The following CFAP20DC variants were observed in gnomAD, a reference collection of about 807,000 sequenced individuals.
CFAP20DC encodes CFAP20 domain containing.
Under a neutral mutation model 101.7 loss-of-function variants are expected in CFAP20DC, and 84 were observed. The observed-to-expected ratio is 0.83, with a 90% CI of 0.69 to 0.99. The LOEUF (loss-of-function observed/expected upper bound fraction) is 0.99, where lower values mean the gene tolerates loss of function less well. CFAP20DC is among the 50% of genes least tolerant of loss of function. The pLI, the probability that CFAP20DC is intolerant of heterozygous loss-of-function variation, is 0.00. For synonymous variants in CFAP20DC, 359 were observed against 351.2 expected, an observed-to-expected ratio of 1.02 and a Z score of -0.25; for missense variants, 1,007 against 970.3, an observed-to-expected ratio of 1.04 and a Z score of -0.50.
At chr3:58,866,490 A>G (rs2079703783) in intron 11 of CFAP20DC, 76 bp downstream of exon 11, 1 of 1,290,902 alleles carries the variant, frequency 7.7e-7, no homozygotes, top group Non-Finnish European at 1.1e-6. Context: ...ACTTTTCAAA[A>G]TGACTGGATT....
At chr3:58,743,778 G>A (rs2068012166) in intron 16 of CFAP20DC, among the ~76,000 whole-genome samples, 1 of 152,156 alleles carries the variant, frequency 6.6e-6, no homozygotes, top group Non-Finnish European at 1.5e-5. Context: ...GACCAAGCTG[G>A]TGCCTGAACA....
chr3:58,854,532 A>G (rs1575950647), intron 12 of CFAP20DC, among the ~76,000 whole-genome samples: 1 of 152,372 alleles, frequency 6.6e-6, no homozygotes, highest in East Asian at 1.9e-4. Flanking sequence ...TGCCAAGTCA[A>G]TCCTGAGCCA....
intron 1 of CFAP20DC, among the ~76,000 whole-genome samples, chr3:59,048,891 T>A (rs1017894822): frequency 7.2e-5 from 11 of 152,100 alleles, no homozygotes; most frequent in Admixed American, 5.2e-4. Flanking sequence ...GGAAAGCAGG[T>A]CGAGACACTC....
chr3:58,734,113 T>C (rs1313039648), intron 3 of CFAP20DC, among the ~76,000 whole-genome samples: 5 of 152,160 alleles, frequency 3.3e-5, no homozygotes, highest in African/African-American at 1.2e-4. Context: ...TAAAAGTGTG[T>C]AGCACATCCA....
chr3:58,845,604 T>C (rs2077561880), intron 13 of CFAP20DC, among the ~76,000 whole-genome samples: 2 of 152,152 alleles, frequency 1.3e-5, no homozygotes, highest in Non-Finnish European at 2.9e-5. Context: ...ACTGGTACCT[T>C]TCCTTCTGAA....
intron 4 of CFAP20DC, among the ~76,000 whole-genome samples, chr3:58,966,532 A>T: frequency 7.0e-6 from 1 of 143,816 alleles, no homozygotes; most frequent in East Asian, 1.9e-4. Flanking sequence ...ATATATATAT[A>T]TATTTTTTTT....
In CFAP20DC at chr3:58,869,968, T is replaced by G. The variant is rs189150652; in HGVS notation, c.852+205A>C. On this transcript the variant is annotated intron_variant, in intron 8 of 16. Coordinates refer to ENST00000482387, the MANE Select transcript of CFAP20DC (RefSeq NM_001394063.1). The surrounding 1 kb of genome is among the most constrained non-coding windows in gnomAD (Gnocchi z 4.3). ...CTCGAAAATGTTAATTATGTTGATA[T>G]GACAAAAAGGAAACACTTTTGAAGT... Among the ~76,000 whole-genome samples the G allele has an allele frequency of 2.6e-5, 4 of 152,348 alleles. No homozygotes were observed. Among genetic ancestry groups the G allele is most frequent in the African/African-American group, 7.2e-5 (3 of 41,582 alleles).
At chr3:58,797,151 T>G (rs1430575856) in intron 15 of CFAP20DC, among the ~76,000 whole-genome samples, 1 of 152,152 alleles carries the variant, frequency 6.6e-6, no homozygotes, top group African/African-American at 2.4e-5. Context: ...TCACTTTCAA[T>G]CAAAAGCTAG....
intron 4 of CFAP20DC, among the ~76,000 whole-genome samples, chr3:58,962,845 AC>A (rs2091251884): frequency 6.6e-6 from 1 of 151,240 alleles, no homozygotes; most frequent in Non-Finnish European, 1.5e-5. Context: ...TAGCTTCCTG[AC>A]CCCCAGGGAT....
At position 58,864,019 on chromosome 3, in the gene CFAP20DC, G is replaced by A. The variant is rs1038179085; in HGVS notation, c.1259-127C>T. On this transcript the variant is annotated intron_variant, in intron 11 of 16. Transcript: ENST00000482387. The surrounding 1 kb of genome is among the most constrained non-coding windows in gnomAD (Gnocchi z 4.7). ...GCCGCCTAGGCTGCAGTGCAGTCAC[G>A]CGATCTCGGCTCACTGCAACCTCCG... 3.5e-5 allele frequency: 31 copies of A among 887,398 alleles called. No homozygotes were observed. The East Asian group carries it at 6.8e-4, about 19-fold the overall frequency. The allele number at this position is 887,398 out of a possible 1,614,324, so 55.0% of individuals were successfully genotyped here.
In CFAP20DC at chr3:58,859,679, A is replaced by G. The variant is rs1251843492; in HGVS notation, c.1593+3879T>C. Among the ~76,000 whole-genome samples the G allele has an allele frequency of 6.6e-6, 1 of 152,248 alleles. No homozygotes were observed. ...GTAAACATTAATTTGCCTGGTAGGT[A>G]TACAGAATATGTTATGTTCTAATTC... On this transcript the variant is annotated intron_variant, in intron 12 of 16. Coordinates refer to ENST00000482387, the MANE Select transcript of CFAP20DC (RefSeq NM_001394063.1). This position sits in a 1 kb window ranked among gnomAD's most constrained non-coding sequence, Gnocchi z 4.1.
chr3:58,994,044 C>G (rs1449449268), intron 4 of CFAP20DC, among the ~76,000 whole-genome samples: 3 of 152,202 alleles, frequency 2.0e-5, no homozygotes, highest in African/African-American at 7.2e-5. Context: ...CTTACACCAA[C>G]TTCATGGTGA....
chr3:58,907,972 C>A (rs1018219314), intron 6 of CFAP20DC, among the ~76,000 whole-genome samples: 1 of 152,148 alleles, frequency 6.6e-6, no homozygotes, highest in Non-Finnish European at 1.5e-5. Context: ...TTCCAAATAC[C>A]TGAAAGAAAT....
intron 14 of CFAP20DC, among the ~76,000 whole-genome samples, chr3:58,826,366 T>A (rs1168735319): frequency 2.0e-5 from 3 of 152,208 alleles, no homozygotes; most frequent in African/African-American, 7.2e-5. Flanking sequence ...GTTTGTTACA[T>A]AGGTACACAT....
At chr3:58,845,317 A>T (rs1421382763) in intron 13 of CFAP20DC, among the ~76,000 whole-genome samples, 2 of 152,054 alleles carry the variant, frequency 1.3e-5, no homozygotes, top group Admixed American at 6.5e-5. Flanking sequence ...GCAATAAAAA[A>T]TGATAAAGGG....
At position 58,843,781 on chromosome 3, in the gene CFAP20DC, C is replaced by A. The variant is rs2077364196; in HGVS notation, c.1971+5251G>T. 8.0e-5 allele frequency among the ~76,000 whole-genome samples: 12 copies of A among 149,408 alleles called. No homozygotes were observed. In the South Asian group the frequency reaches 1.1e-3, roughly 14 times the overall value. On this transcript the variant is annotated intron_variant, in intron 13 of 16. Coordinates refer to ENST00000482387, the MANE Select transcript of CFAP20DC (RefSeq NM_001394063.1). ...CCAGAGAGAAAGGTCAGGTTACCCT[C>A]AAAGGGAAGCCCATCAGACTAACAG...
At position 58,721,141 on chromosome 3, in the gene CFAP20DC, T is replaced by C. The variant is rs994906505; in HGVS notation, c.198-3513A>G. Among the ~76,000 whole-genome samples, 2 of 152,228 alleles carry C rather than the reference T, an allele frequency of 1.3e-5. No homozygotes were observed. Among genetic ancestry groups the C allele is most frequent in the African/African-American group, 4.8e-5 (2 of 41,456 alleles). On this transcript the variant is annotated intron_variant, in intron 3 of 3. Transcript: ENST00000486145. This position sits in a 1 kb window ranked among gnomAD's most constrained non-coding sequence, Gnocchi z 5.2. ...TCTGTCTCCCCATCCACATGTGAAT[T>C]CCAAGATGCTGGGAGTGGGATTGTC...
chr3:58,824,498 T>G (rs1559654167), intron 14 of CFAP20DC: 3 of 152,062 alleles, frequency 2.0e-5, no homozygotes, highest in Admixed American at 1.3e-4. Flanking sequence ...ATCAAGCTGC[T>G]AGAGATTTTG....
At chr3:59,038,373 A>G (rs919570007) in intron 4 of CFAP20DC, among the ~76,000 whole-genome samples, 7 of 152,188 alleles carry the variant, frequency 4.6e-5, no homozygotes, top group East Asian at 3.8e-4. Context: ...AGCTTGGCCA[A>G]TGGATTGAAA....
Sources: allele counts gnomAD v4.1 joint callset (sites outside exome capture counted in the v4.1 genomes callset), GRCh38; gene constraint gnomAD v4.1.1; non-coding constraint Gnocchi (gnomAD v3.1); transcripts MANE v1.5; gene names NCBI Gene and HGNC (gene_info 2026-07-23, HGNC 2026-07-21).